Variants in SKOR2 observed in about 807,000 individuals in gnomAD.
The protein encoded by SKOR2 is LBX1 corepressor 1-like protein.
SKOR2 carries 47 observed loss-of-function variants against 69.1 expected under a neutral mutation model. That is an observed-to-expected ratio of 0.68 (90% CI 0.54 to 0.87). The LOEUF is 0.87. Among genes scored for constraint, SKOR2 ranks in the 40% least tolerant of loss-of-function variants. The probability of loss-of-function intolerance (pLI) is 0.00; values close to 1 mark genes in which losing one functional copy is unlikely to be tolerated. For synonymous variants in SKOR2, 717 were observed against 672.6 expected (o/e 1.07, Z -1.02); for missense variants, 1,404 against 1,472.2 (o/e 0.95, Z 0.76).
In SKOR2 at chr18:47,246,864, C is replaced by A; in HGVS notation, c.2320G>T (p.Glu774Ter). 1 of 1,493,012 alleles carries A rather than the reference C, an allele frequency of 6.7e-7. No homozygotes were observed. 92.5% of individuals were successfully genotyped at this position (1,493,012 alleles called of 1,614,324 possible). A position where few individuals can be genotyped will look rare whatever the true frequency, so the allele number is the denominator to read the frequency against. ...DDDEEEDEET[E>*]VLLGDPLVGG... is the part of the protein sequence containing the mutation. The stretch of plus-strand genomic sequence containing the variant: ...ACTAAGGGGTCGCCGAGTAGGACCT[C>A]CGTCTCCTCGTCCTCTTCCTCGTCG... Residue 774 changes from glutamate to a stop codon, truncating the protein, a stop_gained, in exon 2 of 9, where the codon GAG (glutamate) becomes TAG (stop). Transcript: ENST00000425639. LOFTEE classifies it high-confidence loss of function.
chr18:47,249,514 C>A (rs1216973967), intron 1 of SKOR2, among the ~76,000 whole-genome samples: 2 of 152,106 alleles, frequency 1.3e-5, no homozygotes, highest in African/African-American at 4.8e-5. Flanking sequence ...AGACCTTATC[C>A]CGGATTTATA....
At position 47,248,185 on chromosome 18, in the gene SKOR2, G is replaced by C; in HGVS notation, c.999C>G (p.Ala333=). Residue 333 remains alanine (A), a synonymous_variant, in exon 2 of 9, where the codon GCC becomes GCG. Transcript: ENST00000425639. The surrounding 1 kb of genome is among the most constrained non-coding windows in gnomAD (Gnocchi z 6.4). ...AAGCAGCAGCCACAGAGAGGCTGGC[G>C]GCTGCGGCCGAGAGGCTGGCGGCGG... is the stretch of plus-strand genomic sequence containing the variant. ...VVAAASLSAA[A]ASLSVAAASG... is the part of the protein sequence containing the mutation. The C allele has an allele frequency of 8.1e-7, 1 of 1,232,992 alleles. No homozygotes were observed. Among genetic ancestry groups the C allele is most frequent in the Non-Finnish European group, 1.0e-6 (1 of 990,808 alleles). The allele number at this position is 1,232,992 out of a possible 1,614,324, so 76.4% of individuals were successfully genotyped here.
intron 6 of SKOR2, among the ~76,000 whole-genome samples, chr18:47,227,083 G>T (rs569554955): frequency 3.3e-5 from 5 of 152,102 alleles, no homozygotes; most frequent in Admixed American, 3.3e-4. Flanking sequence ...GCAGAGACTT[G>T]CTTGTTTCTC....
At chr18:47,243,144 A>G (rs939986300) in intron 4 of SKOR2, among the ~76,000 whole-genome samples, 1 of 152,142 alleles carries the variant, frequency 6.6e-6, no homozygotes, top group Non-Finnish European at 1.5e-5. Context: ...GTAGAGAGGA[A>G]TGGGAATTCT....
intron 4 of SKOR2, chr18:47,234,541 G>C (rs1036736422): frequency 6.6e-6 from 1 of 152,272 alleles, no homozygotes; most frequent in African/African-American, 2.4e-5. Flanking sequence ...TGCTGCCAAA[G>C]TGAGCAATGG....
chr18:47,208,397 T>C (rs1456301869), intron 8 of SKOR2, among the ~76,000 whole-genome samples: 1 of 152,208 alleles, frequency 6.6e-6, no homozygotes, highest in Non-Finnish European at 1.5e-5. Context: ...TAAATGATCA[T>C]TACTATCATT....
chr18:47,225,563 G>A (rs759499883), intron 6 of SKOR2, among the ~76,000 whole-genome samples: 1 of 152,208 alleles, frequency 6.6e-6, no homozygotes, highest in African/African-American at 2.4e-5. Context: ...TATTTACAAT[G>A]TGGGTTGGGG....
At chr18:47,220,300 A>T (rs2064157368) in intron 6 of SKOR2, among the ~76,000 whole-genome samples, 1 of 152,106 alleles carries the variant, frequency 6.6e-6, no homozygotes, top group Non-Finnish European at 1.5e-5. Context: ...ATGTTCTTTA[A>T]CCTTTGCACA....
At position 47,219,983 on chromosome 18, in the gene SKOR2, TC is replaced by T; in HGVS notation, c.2944del (p.Glu982SerfsTer2). ...CACCATTTCTTCTCGGTAGGCTAGC[TC>T]CCTTTTCATCTGATCCTGAAAATTA... ...FNNFQDQMKR[E>X]LAYREEMVQQ... On this transcript the variant is annotated frameshift_variant, in exon 7 of 9. Transcript: ENST00000425639. LOFTEE classifies it high-confidence loss of function. The T allele has an allele frequency of 6.5e-7, 1 of 1,536,084 alleles. No individual in the cohort carries two copies. The highest frequency in any genetic ancestry group is 8.7e-7 in the Non-Finnish European group (1 of 1,146,950).
intron 8 of SKOR2, among the ~76,000 whole-genome samples, chr18:47,208,964 G>A (rs577291066): frequency 1.3e-5 from 2 of 152,260 alleles, no homozygotes; most frequent in Admixed American, 6.5e-5. Context: ...GTTGAAGAAA[G>A]GTGCAGATAA....
intron 7 of SKOR2, among the ~76,000 whole-genome samples, chr18:47,217,890 T>G (rs1178735531): frequency 6.6e-6 from 1 of 152,126 alleles, no homozygotes; most frequent in Non-Finnish European, 1.5e-5. Context: ...ATTATTTAAT[T>G]TGCTACCAGG....
rs772142196 is a variant in SKOR2, at chr18:47,247,258, C to G, written c.1926G>C (p.Ala642=). 1 of 1,475,910 alleles carries G rather than the reference C, an allele frequency of 6.8e-7. No homozygotes were observed. The highest frequency in any genetic ancestry group is 2.3e-5 in the Admixed American group (1 of 43,428). The allele number at this position is 1,475,910 out of a possible 1,614,324, so 91.4% of individuals were successfully genotyped here. Residue 642 remains alanine (A), a synonymous_variant, in exon 2 of 9, where the codon GCG becomes GCC. Transcript: ENST00000425639. This position sits in a 1 kb window ranked among gnomAD's most constrained non-coding sequence, Gnocchi z 6.6. ...GGGCCGAGTGGGGCGCGCCCGCCGA[C>G]GCCCCGTGCAGCTTGGCCAGGCTCT... ...DAESLAKLHG[A]SAGAPHSAQT...
intron 1 of SKOR2, among the ~76,000 whole-genome samples, chr18:47,250,764 A>G (rs2064308793): frequency 6.6e-6 from 1 of 152,128 alleles, no homozygotes; most frequent in African/African-American, 2.4e-5. Flanking sequence ...CCTGCTTGTC[A>G]CTTTGGGTGG....
intron 4 of SKOR2, among the ~76,000 whole-genome samples, chr18:47,231,604 G>A (rs1045240494): frequency 6.6e-6 from 1 of 152,258 alleles, no homozygotes; most frequent in East Asian, 1.9e-4. Flanking sequence ...AGCACTTTGG[G>A]ATGCCGAGGC....
In SKOR2 at chr18:47,247,499, G is replaced by A. The variant is rs1156833298; in HGVS notation, c.1685C>T (p.Pro562Leu). The A allele has an allele frequency of 4.1e-6, 5 of 1,208,082 alleles. No individual in the cohort carries two copies. The highest frequency in any genetic ancestry group is 5.1e-6 in the Non-Finnish European group (5 of 973,904). The allele number at this position is 1,208,082 out of a possible 1,614,324, so 74.8% of individuals were successfully genotyped here. Residue 562 changes from proline (P) to leucine (L), a missense_variant, in exon 2 of 9, where the codon CCG (proline) becomes CTG (leucine). Pro to Leu is a moderately conservative substitution (Grantham distance 98, BLOSUM62 -3). Coordinates refer to ENST00000425639, the MANE Select transcript of SKOR2 (RefSeq NM_001278063.4). The surrounding 1 kb of genome is among the most constrained non-coding windows in gnomAD (Gnocchi z 6.6). ...GCTGCAGTCCCCGCCGCTGCCGCCCGGGGGCGACTCGAAGAGCGCGTCGCG... is the reference window on the plus strand; with the variant it reads ...GCTGCAGTCCCCGCCGCTGCCGCCCAGGGGCGACTCGAAGAGCGCGTCGCG... ...GSRDALFESP[P>L]GGSGGDCSAG...
intron 7 of SKOR2, among the ~76,000 whole-genome samples, chr18:47,216,225 TAA>T (rs1213852474): frequency 6.6e-6 from 1 of 152,192 alleles, no homozygotes; most frequent in Non-Finnish European, 1.5e-5. Flanking sequence ...CATGCTAAAT[TAA>T]AAAACTTTTG....
chr18:47,234,113 T>C lies in SKOR2; in HGVS notation c.2753-3113A>G, dbSNP rs190585122. Among the ~76,000 whole-genome samples, 3 of 152,352 alleles carry C rather than the reference T, an allele frequency of 2.0e-5. No homozygotes were observed. The East Asian group carries it at 5.8e-4, about 29-fold the overall frequency. Reference sequence around the variant, plus strand: ...AAATAAAAAGCACAGAAGCTTCCGCTGCCTTTTGTGTATCTTTTACTGGAC... The same window carrying C: ...AAATAAAAAGCACAGAAGCTTCCGCCGCCTTTTGTGTATCTTTTACTGGAC... On this transcript the variant is annotated intron_variant, in intron 4 of 8. Coordinates refer to ENST00000425639, the MANE Select transcript of SKOR2 (RefSeq NM_001278063.4).
chr18:47,247,957 G>A lies in SKOR2; in HGVS notation c.1227C>T (p.Tyr409=). 1 of 1,376,078 alleles carries A rather than the reference G, an allele frequency of 7.3e-7. No homozygotes were observed. The allele number at this position is 1,376,078 out of a possible 1,614,324, so 85.2% of individuals were successfully genotyped here. A position where few individuals can be genotyped will look rare whatever the true frequency, so the allele number is the denominator to read the frequency against. The change falls in exon 2 of 9, where the codon TAC becomes TAT. Residue 409 remains tyrosine (Y), a synonymous_variant. Transcript: ENST00000425639. This position sits in a 1 kb window ranked among gnomAD's most constrained non-coding sequence, Gnocchi z 6.6. ...PGCGGLFPHP[Y]TFPAAAAAFS... The stretch of plus-strand genomic sequence containing the variant: ...AGGCGGCGGCCGCGGCAGGGAAGGT[G>A]TAGGGGTGCGGGAAGAGCCCGCCGC...
In SKOR2 at chr18:47,224,706, C is replaced by T. The variant is rs145070472; in HGVS notation, c.2918-4696G>A. 4.8e-3 allele frequency among the ~76,000 whole-genome samples: 732 copies of T among 152,130 alleles called. 4 individuals are homozygous for T. Among genetic ancestry groups the T allele is most frequent in the African/African-American group, 0.017 (700 of 41,482 alleles). On this transcript the variant is annotated intron_variant, in intron 6 of 8. Coordinates refer to ENST00000425639, the MANE Select transcript of SKOR2 (RefSeq NM_001278063.4). ...CAGAGCTCACTGCAGCCTTGACCTC[C>T]TGGGTTCAAGTGATCCTCCCATCTC... is the stretch of plus-strand genomic sequence containing the variant.
Sources: allele counts gnomAD v4.1 joint callset (sites outside exome capture counted in the v4.1 genomes callset), GRCh38; gene constraint gnomAD v4.1.1; non-coding constraint Gnocchi (gnomAD v3.1); transcripts MANE v1.5; gene names NCBI Gene and HGNC (gene_info 2026-07-23, HGNC 2026-07-21).